CA6: variants seen among roughly 807,000 people sequenced by gnomAD.
The protein encoded by CA6 is carbonic anhydrase 6, also known as carbonate dehydratase VI.
In CA6, 28 loss-of-function variants were observed where a neutral mutation model predicts 35.9. That is an observed-to-expected ratio of 0.78 (90% CI 0.58 to 1.07). The LOEUF is 1.07. Among genes scored for constraint, CA6 ranks in the 50% least tolerant of loss-of-function variants. The pLI, the probability that CA6 is intolerant of heterozygous loss-of-function variation, is 0.00. For missense variants in CA6, 377 were observed against 382.0 expected (o/e 0.99, Z 0.11); for synonymous variants, 148 against 152.6 (o/e 0.97, Z 0.22).
Position 8,968,030 on chromosome 1 carries a change from C to G in CA6, c.729+214C>G, listed in dbSNP as rs973773623. Among the ~76,000 whole-genome samples the G allele has an allele frequency of 4.1e-4, 60 of 145,968 alleles. 1 individual carries two copies. Among genetic ancestry groups the G allele is most frequent in the African/African-American group, 1.5e-3 (59 of 38,724 alleles). On this transcript the variant is annotated intron_variant, in intron 6 of 7. Transcript: ENST00000377443. Reference sequence around the variant, plus strand: ...TCACCTGGGCTGGAGTGCAGTGGCACGATCTCAGCTCACTGCAACCTCCGC... The same window carrying G: ...TCACCTGGGCTGGAGTGCAGTGGCAGGATCTCAGCTCACTGCAACCTCCGC...
intron 2 of CA6, among the ~76,000 whole-genome samples, chr1:8,956,061 A>G (rs1463685597): frequency 1.5e-5 from 2 of 132,486 alleles, no homozygotes; most frequent in Non-Finnish European, 3.0e-5. Flanking sequence ...TGTCTCTACT[A>G]AAAATACAAA....
At chr1:8,953,587 A>G (rs531994733) in intron 2 of CA6, among the ~76,000 whole-genome samples, 12 of 152,138 alleles carry the variant, frequency 7.9e-5, no homozygotes, top group African/African-American at 2.9e-4. Context: ...GCACCACTGC[A>G]CTCCAGCCTG....
rs777614816 is a variant in CA6, at chr1:8,962,663, G to A, written c.571+7G>A. On this transcript the variant is annotated splice_region_variant and intron_variant, in intron 5 of 7. Transcript: ENST00000377443. ...GCCAACATCAAGTACCCAGGTAAGG[G>A]AAGCCAACTGTGGCTGCAGGAGGGA... The A allele has an allele frequency of 1.3e-5, 21 of 1,611,806 alleles. No individual in the cohort carries two copies. The South Asian group carries it at 2.3e-4, about 18-fold the overall frequency.
intron 4 of CA6, among the ~76,000 whole-genome samples, chr1:8,961,147 A>G (rs1379909208): frequency 6.6e-6 from 1 of 152,216 alleles, no homozygotes; most frequent in Non-Finnish European, 1.5e-5. Flanking sequence ...TCCCAGATAT[A>G]CGAAAACCAG....
At chr1:8,958,097 G>T (rs1303105166) in intron 3 of CA6, among the ~76,000 whole-genome samples, 7 of 152,136 alleles carry the variant, frequency 4.6e-5, no homozygotes, top group African/African-American at 1.4e-4. Flanking sequence ...ACTCAGGTTG[G>T]CAGGACTTCA....
In CA6 at chr1:8,945,899, G is replaced by A; in HGVS notation, c.13G>A (p.Val5Met). The A allele has an allele frequency of 6.2e-7, 1 of 1,613,302 alleles. No individual in the cohort carries two copies. The highest frequency in any genetic ancestry group is 1.3e-5 in the African/African-American group (1 of 74,996). MRALVLLLSLFLLGG... is the reference protein window; with the variant it reads MRALMLLLSLFLLGG... ...GATGTGCAGCACCATGAGGGCCCTG[G>A]TGCTTCTGCTGTCCCTGTTCCTGCT... The change falls in exon 1 of 8, where the codon GTG becomes ATG. Residue 5 changes from valine to methionine, a missense_variant. Coordinates refer to ENST00000377443, the MANE Select transcript of CA6 (RefSeq NM_001215.4).
At chr1:8,971,513 A>G (rs979457776) in intron 7 of CA6, among the ~76,000 whole-genome samples, 1 of 151,332 alleles carries the variant, frequency 6.6e-6, no homozygotes, top group Admixed American at 6.6e-5. Context: ...GCTTTGCCAT[A>G]TTGGCCAGGC....
chr1:8,960,789 C>CACACACACACACACACAT (rs59987426), intron 4 of CA6, among the ~76,000 whole-genome samples: 1 of 116,980 alleles, frequency 8.5e-6, no homozygotes, highest in African/African-American at 3.3e-5. Context: ...CACACACACA[C>CACACACACACACACACAT]ATATATATAA....
At chr1:8,967,618 C>G (rs1557631275) in intron 5 of CA6, 41 bp from the exon 6 acceptor site, 1 of 1,595,632 alleles carries the variant, frequency 6.3e-7, no homozygotes, top group Admixed American at 1.7e-5. Flanking sequence ...AGGGGCAGCG[C>G]TGGTCCCTGA....
intron 5 of CA6, among the ~76,000 whole-genome samples, chr1:8,966,185 C>G (rs987596494): frequency 4.6e-5 from 7 of 152,110 alleles, no homozygotes; most frequent in African/African-American, 1.7e-4. Flanking sequence ...TCTCGGCTCA[C>G]TGCAACCTCC....
At chr1:8,973,696 ATTTT>A (rs1640165385) in intron 7 of CA6, among the ~76,000 whole-genome samples, 1 of 121,134 alleles carries the variant, frequency 8.3e-6, no homozygotes, top group African/African-American at 3.3e-5. Flanking sequence ...TCAGGCCTGG[ATTTT>A]TCTTTCTCTC....
At chr1:8,961,102 A>C (rs557036675) in intron 4 of CA6, among the ~76,000 whole-genome samples, 1 of 151,778 alleles carries the variant, frequency 6.6e-6, no homozygotes, top group East Asian at 1.9e-4. Flanking sequence ...ATATCCAATA[A>C]ACCACCCTTC....
In CA6 at chr1:8,974,750, C is replaced by A; in HGVS notation, c.*46C>A. On this transcript the variant is annotated 3_prime_UTR_variant, in exon 8 of 8. Coordinates refer to ENST00000377443, the MANE Select transcript of CA6 (RefSeq NM_001215.4). ...CAATATTAACTAGCTTGAAGCCTGACCTAGCCAGAAGTGCCTGTCCGCTGC... is the reference window on the plus strand; with the variant it reads ...CAATATTAACTAGCTTGAAGCCTGAACTAGCCAGAAGTGCCTGTCCGCTGC... 1 of 1,166,752 alleles carries A rather than the reference C, an allele frequency of 8.6e-7. No homozygotes were observed. The highest frequency in any genetic ancestry group is 1.2e-6 in the Non-Finnish European group (1 of 854,134). The allele number at this position is 1,166,752 out of a possible 1,614,324, so 72.3% of individuals were successfully genotyped here.
chr1:8,946,034 T>G (rs1477957314), intron 1 of CA6, 69 bp downstream of exon 1: 4 of 934,496 alleles, frequency 4.3e-6, no homozygotes, highest in Non-Finnish European at 6.6e-6. Context: ...AGTGCCCTTC[T>G]TCTTCTTCTT....
At chr1:8,973,716 C>A (rs1005055110) in intron 7 of CA6, among the ~76,000 whole-genome samples, 2 of 9,268 alleles carry the variant, frequency 2.2e-4, no homozygotes, top group Non-Finnish European at 3.8e-4. Flanking sequence ...CTCTCTCTTT[C>A]TTTCTTTCTT....
At chr1:8,962,777 A>C in intron 5 of CA6, 121 bp downstream of exon 5, 1 of 816,594 alleles carries the variant, frequency 1.2e-6, no homozygotes, top group Non-Finnish European at 2.1e-6. Flanking sequence ...GGCCCTGCCA[A>C]GGGAGTCCAT....
At chr1:8,972,545 G>A (rs374566412) in intron 7 of CA6, among the ~76,000 whole-genome samples, 55 of 152,146 alleles carry the variant, frequency 3.6e-4, no homozygotes, top group African/African-American at 1.3e-3. Flanking sequence ...GGTGGCGGGC[G>A]CCTGTAGTCC....
Position 8,945,984 on chromosome 1 carries a change from C to T in CA6, c.79+19C>T. The stretch of plus-strand genomic sequence containing the variant: ...TACTCAGGTGAGCCCCTAGCTTCTG[C>T]ATGCTCCCCCAGTTACCCTCACACC... On this transcript the variant is annotated intron_variant, in intron 1 of 7. Transcript: ENST00000377443. The T allele has an allele frequency of 6.5e-7, 1 of 1,538,826 alleles. No homozygotes were observed. Among genetic ancestry groups the T allele is most frequent in the Non-Finnish European group, 9.0e-7 (1 of 1,112,024 alleles).
intron 4 of CA6, 79 bp downstream of exon 4, chr1:8,959,081 C>A: frequency 1.2e-6 from 1 of 824,798 alleles, no homozygotes; most frequent in Non-Finnish European, 2.1e-6. Context: ...TCTAGTTGAA[C>A]AGTCTTCTTT....
Sources: gnomAD v4.1 joint callset for allele counts (sites outside exome capture counted in the v4.1 genomes callset) on GRCh38, gnomAD v4.1.1 for gene constraint, MANE v1.5 for transcripts, NCBI Gene and HGNC (gene_info 2026-07-23, HGNC 2026-07-21) for gene names.